Variants in DGKB observed in about 807,000 individuals in gnomAD.
DGKB encodes diacylglycerol kinase beta, also known as 90 kDa diacylglycerol kinase.
DGKB carries 67 observed loss-of-function variants against 114.3 expected under a neutral mutation model. The ratio of observed to expected loss-of-function variants is 0.59; its 90% CI spans 0.48 to 0.72. The LOEUF is 0.72. Among genes scored for constraint, DGKB ranks in the 30% least tolerant of loss-of-function variants. The pLI is 0.00. For missense variants in DGKB, 907 were observed against 975.2 expected (o/e 0.93, Z 0.93); for synonymous variants, 398 against 323.1 (o/e 1.23, Z -2.49).
intron 1 of DGKB, among the ~76,000 whole-genome samples, chr7:14,860,240 CA>C: frequency 6.6e-6 from 1 of 151,976 alleles, no homozygotes; most frequent in East Asian, 1.9e-4. Context: ...GAGCATAAAT[CA>C]CTTACTTAAA....
chr7:14,769,097 GAA>G (rs1491128189), intron 2 of DGKB, among the ~76,000 whole-genome samples: 12 of 99,126 alleles, frequency 1.2e-4, no homozygotes, highest in African/African-American at 5.5e-4. Context: ...AAGAAAGAAA[GAA>G]AGAAAGAAAG....
At chr7:14,427,986 G>T (rs1422576012) in intron 21 of DGKB, among the ~76,000 whole-genome samples, 1 of 151,662 alleles carries the variant, frequency 6.6e-6, no homozygotes, top group East Asian at 1.9e-4. Flanking sequence ...TATACAGTTT[G>T]TTTCTACCAG....
intron 23 of DGKB, among the ~76,000 whole-genome samples, chr7:14,275,357 G>C (rs1023299792): frequency 1.3e-5 from 2 of 152,036 alleles, no homozygotes; most frequent in South Asian, 2.1e-4. Flanking sequence ...AATAATATTG[G>C]ATTATGAGCA....
rs577331250 is a variant in DGKB, at chr7:14,936,970, G to A, written c.-188+37726C>T. ...AAATGATTAAATATCTCCTTGTAATGACTTTCTGCTTCAGGGTTATAAAAC... is the reference window on the plus strand; with the variant it reads ...AAATGATTAAATATCTCCTTGTAATAACTTTCTGCTTCAGGGTTATAAAAC... On this transcript the variant is annotated intron_variant, in intron 1 of 4. Coordinates refer to the DGKB transcript ENST00000437998. Among the ~76,000 whole-genome samples, 3 of 148,780 alleles carry A rather than the reference G, an allele frequency of 2.0e-5. No homozygotes were observed. In the East Asian group the frequency reaches 6.1e-4, roughly 30 times the overall value.
In DGKB at chr7:14,841,276, A is replaced by C; in HGVS notation, c.-13T>G. ...CCTGGTTTGTCATGGTGGTGGTGAGAAGCTCTGTCACATACCAGGTAAAAG... is the reference window on the plus strand; with the variant it reads ...CCTGGTTTGTCATGGTGGTGGTGAGCAGCTCTGTCACATACCAGGTAAAAG... On this transcript the variant is annotated 5_prime_UTR_variant, in exon 2 of 26. Coordinates refer to ENST00000402815, the MANE Select transcript of DGKB (RefSeq NM_001350709.2). 6.2e-7 allele frequency: 1 copy of C among 1,612,822 alleles called. No individual in the cohort carries two copies. The highest frequency in any genetic ancestry group is 1.1e-5 in the South Asian group (1 of 90,788).
intron 20 of DGKB, among the ~76,000 whole-genome samples, chr7:14,557,599 T>C (rs1332803735): frequency 6.6e-6 from 1 of 152,120 alleles, no homozygotes. Context: ...AATAACATCT[T>C]CATGGCTATA....
chr7:14,173,007 A>G (rs7800027), intron 25 of DGKB, among the ~76,000 whole-genome samples: 113,145 of 152,072 alleles, frequency 0.74, 43,102 homozygotes, highest in African/African-American at 0.92. Flanking sequence ...CTTCTAAGAC[A>G]ATTTTCAATA....
At chr7:14,513,349 T>C (rs764041179) in intron 20 of DGKB, among the ~76,000 whole-genome samples, 3 of 152,052 alleles carry the variant, frequency 2.0e-5, no homozygotes, top group Non-Finnish European at 2.9e-5. Flanking sequence ...TAAGCTATCA[T>C]ATTTATGTAA....
Position 14,580,844 on chromosome 7 carries a change from T to C in DGKB, c.1609+18A>G, listed in dbSNP as rs1799819112. The C allele has an allele frequency of 1.9e-6, 3 of 1,578,674 alleles. No homozygotes were observed. The highest frequency in any genetic ancestry group is 1.2e-5 in the South Asian group (1 of 86,420). On this transcript the variant is annotated intron_variant, in intron 19 of 25. Transcript: ENST00000402815. ...GTGTTGTGTACTGTTTCTGCTTTTG[T>C]TGTTGCAGCTGCTTTACCTCCTCCC...
intron 20 of DGKB, among the ~76,000 whole-genome samples, chr7:14,553,924 G>A (rs973445875): frequency 2.2e-5 from 3 of 134,890 alleles, no homozygotes; most frequent in African/African-American, 8.3e-5. Context: ...CCAGGCTGGA[G>A]TGCAGTGGCG....
At chr7:14,163,281 C>T (rs1419041185) in intron 25 of DGKB, among the ~76,000 whole-genome samples, 6 of 152,060 alleles carry the variant, frequency 3.9e-5, no homozygotes, top group Non-Finnish European at 5.9e-5. Flanking sequence ...TGGTGCTTTA[C>T]ATCTTAACAT....
chr7:14,731,146 G>A (rs913468957), intron 5 of DGKB, among the ~76,000 whole-genome samples: 1 of 152,288 alleles, frequency 6.6e-6, no homozygotes, highest in Non-Finnish European at 1.5e-5. Context: ...TTAGGACTGG[G>A]AAGTGGATAG....
rs572354178 is a variant in DGKB at position 14,517,823 on chromosome 7, G to A, written c.1771-39598C>T. ...GTAAAAAAAAGTAACAGATGCTGGC[G>A]AGGTTGTGGAGAAAAGGGAACACTT... On this transcript the variant is annotated intron_variant, in intron 20 of 25. Coordinates refer to ENST00000402815, the MANE Select transcript of DGKB (RefSeq NM_001350709.2). Among the ~76,000 whole-genome samples the A allele has an allele frequency of 5.3e-5, 8 of 152,206 alleles. No homozygotes were observed. In the South Asian group the frequency reaches 1.4e-3, roughly 28 times the overall value.
intron 21 of DGKB, among the ~76,000 whole-genome samples, chr7:14,446,831 A>T (rs1830783948): frequency 6.6e-6 from 1 of 152,128 alleles, no homozygotes; most frequent in Non-Finnish European, 1.5e-5. Flanking sequence ...AGGCAGTTAG[A>T]GGCTGGCTAG....
chr7:14,622,335 G>T (rs1807815809), intron 14 of DGKB, among the ~76,000 whole-genome samples: 1 of 152,018 alleles, frequency 6.6e-6, no homozygotes, highest in Non-Finnish European at 1.5e-5. Context: ...CCACCTGTAA[G>T]ACTCAGCCTC....
intron 23 of DGKB, among the ~76,000 whole-genome samples, chr7:14,197,720 G>A (rs968772899): frequency 1.2e-4 from 18 of 152,200 alleles, no homozygotes; most frequent in African/African-American, 2.9e-4. Flanking sequence ...TGCAAAATGC[G>A]TATGAACTTC....
chr7:14,593,603 T>C (rs2128749446), intron 17 of DGKB, among the ~76,000 whole-genome samples: 1 of 152,050 alleles, frequency 6.6e-6, no homozygotes, highest in African/African-American at 2.4e-5. Flanking sequence ...AATATAAATT[T>C]TTTCTATTGC....
chr7:14,215,783 T>C (rs1293358933), intron 23 of DGKB, among the ~76,000 whole-genome samples: 1 of 152,178 alleles, frequency 6.6e-6, no homozygotes, highest in East Asian at 1.9e-4. Flanking sequence ...CCAGTGTTAT[T>C]TCTCTGTGCA....
intron 23 of DGKB, among the ~76,000 whole-genome samples, chr7:14,205,241 G>A (rs745833655): frequency 1.3e-5 from 2 of 151,830 alleles, no homozygotes; most frequent in Non-Finnish European, 2.9e-5. Context: ...CTGCCTCCCC[G>A]GATGCATTCA....
Sources: allele counts gnomAD v4.1 joint callset (sites outside exome capture counted in the v4.1 genomes callset), GRCh38; gene constraint gnomAD v4.1.1; transcripts MANE v1.5; gene names NCBI Gene and HGNC (gene_info 2026-07-23, HGNC 2026-07-21).